Variants in TRIM37 observed in about 807,000 individuals in gnomAD.
TRIM37 encodes tripartite motif containing 37, also known as E3 ubiquitin-protein ligase TRIM37.
A neutral mutation model predicts 129.8 loss-of-function variants in TRIM37; 80 were observed. The observed-to-expected ratio is 0.62, with a 90% CI of 0.51 to 0.74. The LOEUF is 0.74. Ranked by LOEUF, TRIM37 falls within the 30% of genes least tolerant of loss-of-function variation. The pLI is 0.00. For synonymous variants in TRIM37, 389 were observed against 387.1 expected (o/e 1.00, Z -0.06); for missense variants, 1,054 against 1,176.5 (o/e 0.90, Z 1.52).
chr17:58,989,682 C>G (rs1327418718), intron 24 of TRIM37, among the ~76,000 whole-genome samples: 1 of 151,870 alleles, frequency 6.6e-6, no homozygotes. Flanking sequence ...TTAACTGAAA[C>G]ACAACAGAAA....
rs312262702 is a variant in TRIM37, at chr17:59,028,673, G to A, written c.1999C>T (p.Arg667Ter). The A allele has an allele frequency of 7.4e-6, 12 of 1,614,060 alleles. No individual in the cohort carries two copies. The highest frequency in any genetic ancestry group is 2.7e-5 in the African/African-American group (2 of 74,912). The change falls in exon 19 of 24, where the codon CGA becomes TGA. Residue 667 changes from arginine (R) to a stop codon, truncating the protein, a stop_gained. Transcript: ENST00000262294. LOFTEE classifies it high-confidence loss of function. The stretch of plus-strand genomic sequence containing the variant: ...AGCATCTTTAAATCAGAGGGCACTC[G>A]CCACATTGCCTGTTGCTTCCTTTGG... ...KDQRKQQAMW[R>*]VPSDLKMLKR...
In TRIM37 at chr17:59,061,076, T is replaced by C. The variant is rs2041448880; in HGVS notation, c.975A>G (p.Leu325=). 4 of 1,613,532 alleles carry C rather than the reference T, an allele frequency of 2.5e-6. No individual in the cohort carries two copies. In the East Asian group the frequency reaches 8.9e-5, roughly 36 times the overall value. Residue 325 remains leucine, a synonymous_variant, in exon 12 of 24, where the codon TTA becomes TTG. Transcript: ENST00000262294. ...CAGCTGAGAGCTCCAGAAACACAGA[T>C]AAGTAGTAACCTCGCACAACTCCAT... is the stretch of plus-strand genomic sequence containing the variant. ...DGNGVVRGYY[L]SVFLELSAGL... is the part of the protein sequence containing the mutation.
chr17:59,018,299 G>T (rs1411427918), intron 19 of TRIM37, among the ~76,000 whole-genome samples: 1 of 152,012 alleles, frequency 6.6e-6, no homozygotes, highest in Non-Finnish European at 1.5e-5. Flanking sequence ...CTGCAGAACT[G>T]TGAGTTAAAT....
intron 3 of TRIM37, among the ~76,000 whole-genome samples, chr17:59,088,806 T>C (rs148104745): frequency 2.0e-5 from 3 of 151,306 alleles, no homozygotes; most frequent in Admixed American, 6.6e-5. Context: ...CCTGGCCCCA[T>C]AATACTATTA....
chr17:59,017,242 C>G, intron 20 of TRIM37, 54 bp downstream of exon 20: 1 of 1,587,604 alleles, frequency 6.3e-7, no homozygotes, highest in Non-Finnish European at 8.6e-7. Context: ...ACATCAATTT[C>G]AGGTAATAAA....
At chr17:58,993,095 G>A (rs1383995006) in intron 24 of TRIM37, among the ~76,000 whole-genome samples, 4 of 152,134 alleles carry the variant, frequency 2.6e-5, no homozygotes, top group African/African-American at 7.2e-5. Context: ...TTGTAATACT[G>A]AATAAGCCTC....
chr17:59,084,770 A>G (rs2043605221), intron 4 of TRIM37, among the ~76,000 whole-genome samples: 1 of 152,122 alleles, frequency 6.6e-6, no homozygotes, highest in Non-Finnish European at 1.5e-5. Context: ...GGTGTCCTCT[A>G]TAAAGAGGAG....
At chr17:59,042,428 ATT>A (rs146574406) in intron 16 of TRIM37, among the ~76,000 whole-genome samples, 2 of 85,240 alleles carry the variant, frequency 2.3e-5, no homozygotes, top group African/African-American at 1.3e-4. Flanking sequence ...AAAAAAAGGA[ATT>A]TAAAAAAAAA....
chr17:59,076,500 CCTTGAT>C (rs2042826151), intron 7 of TRIM37, among the ~76,000 whole-genome samples: 1 of 152,184 alleles, frequency 6.6e-6, no homozygotes, highest in African/African-American at 2.4e-5. Flanking sequence ...ATGCAATGAG[CCTTGAT>C]TGCACCACTG....
rs759908862 is a variant in TRIM37, at chr17:59,028,731, G to T, written c.1949-8C>A. On this transcript the variant is annotated splice_region_variant and splice_polypyrimidine_tract_variant and intron_variant, in intron 18 of 23. Coordinates refer to ENST00000262294, the MANE Select transcript of TRIM37 (RefSeq NM_015294.6). The stretch of plus-strand genomic sequence containing the variant: ...CTTTTCGAGAATATGATGCTTCAGA[G>T]AAATTGACAAGTCATGTTAACATAA... 2.5e-6 allele frequency: 4 copies of T among 1,614,004 alleles called. No homozygotes were observed. Among genetic ancestry groups the T allele is most frequent in the Non-Finnish European group, 3.4e-6 (4 of 1,179,926 alleles).
At position 59,075,757 on chromosome 17, in the gene TRIM37, GGT is replaced by G. The variant is rs1345200744; in HGVS notation, c.617-45_617-44del. Reference sequence around the variant, plus strand: ...ATCATCAACACTTGGGTTCATTATTGGTTTAAGAATGAAATTAACTTCCAATG... The same window carrying G: ...ATCATCAACACTTGGGTTCATTATTGTTAAGAATGAAATTAACTTCCAATG... On this transcript the variant is annotated intron_variant, in intron 7 of 23. Coordinates refer to ENST00000262294, the MANE Select transcript of TRIM37 (RefSeq NM_015294.6). 4 of 1,404,812 alleles carry G rather than the reference GGT, an allele frequency of 2.8e-6. No homozygotes were observed. In the African/African-American group the frequency reaches 5.7e-5, roughly 20 times the overall value. 87.0% of individuals were successfully genotyped at this position (1,404,812 alleles called of 1,614,324 possible). A position where few individuals can be genotyped will look rare whatever the true frequency, so the allele number is the denominator to read the frequency against.
chr17:59,086,017 G>A (rs1198678565), intron 4 of TRIM37, among the ~76,000 whole-genome samples: 2 of 152,122 alleles, frequency 1.3e-5, no homozygotes, highest in African/African-American at 4.8e-5. Flanking sequence ...AATGGTGGCT[G>A]CCAGGGGCTG....
intron 1 of TRIM37, 80 bp downstream of exon 1, chr17:59,106,361 G>T: frequency 6.4e-7 from 1 of 1,566,980 alleles, no homozygotes; most frequent in Non-Finnish European, 8.8e-7. Context: ...CTGGAGGGAG[G>T]ACATGGGCAC....
At chr17:59,071,754 T>C (rs981556071) in intron 8 of TRIM37, among the ~76,000 whole-genome samples, 10 of 152,130 alleles carry the variant, frequency 6.6e-5, no homozygotes, top group African/African-American at 2.2e-4. Context: ...AACATAACCA[T>C]GGTAGATAAA....
Position 58,999,010 on chromosome 17 carries a change from A to C in TRIM37, c.*367T>G. The C allele has an allele frequency of 8.9e-7, 1 of 1,123,366 alleles. No individual in the cohort carries two copies. The highest frequency in any genetic ancestry group is 2.2e-5 in the South Asian group (1 of 46,026). 69.6% of individuals were successfully genotyped at this position (1,123,366 alleles called of 1,614,324 possible). A position where few individuals can be genotyped will look rare whatever the true frequency, so the allele number is the denominator to read the frequency against. On this transcript the variant is annotated 3_prime_UTR_variant, in exon 24 of 24. Transcript: ENST00000262294. ...AAGCTCTAGCCAAAGACAGTAGAGC[A>C]CCAATGCCGGGCGGGTTACTGACGG...
At chr17:58,983,081 A>G in intron 24 of TRIM37, 2 of 615,010 alleles carry the variant, frequency 3.3e-6, no homozygotes, top group South Asian at 2.3e-5. Flanking sequence ...GTTACTACAC[A>G]TGCTAGGCTT....
chr17:59,077,840 G>A (rs1038492136), intron 7 of TRIM37, among the ~76,000 whole-genome samples: 1 of 147,098 alleles, frequency 6.8e-6, no homozygotes, highest in Non-Finnish European at 1.5e-5. Context: ...ATTAGTGGCA[G>A]AGGTCAGGTG....
Position 59,017,392 on chromosome 17 carries a change from C to A in TRIM37, c.2290G>T (p.Ala764Ser). 6.2e-7 allele frequency: 1 copy of A among 1,614,098 alleles called. No homozygotes were observed. The highest frequency in any genetic ancestry group is 8.5e-7 in the Non-Finnish European group (1 of 1,179,990). Residue 764 changes from alanine (A) to serine (S), a missense_variant, in exon 20 of 24, where the codon GCT (alanine) becomes TCT (serine). Physicochemically the swap from Ala to Ser is moderately conservative, Grantham distance 99. This residue lies in a region of TRIM37 where 287 missense variants were observed against 274.3 expected (regional missense o/e 1.05). Transcript: ENST00000262294. ...TNKKSNSPKP[A>S]RSSVAGSLSL... Reference sequence around the variant, plus strand: ...AGACTACCTGCTACACTGGATCGAGCTGGCTTGGGCGAATTACTCTTCTTA... The same window carrying A: ...AGACTACCTGCTACACTGGATCGAGATGGCTTGGGCGAATTACTCTTCTTA...
At chr17:59,011,912 T>C (rs1233426736) in intron 22 of TRIM37, among the ~76,000 whole-genome samples, 2 of 152,226 alleles carry the variant, frequency 1.3e-5, no homozygotes, top group African/African-American at 2.4e-5. Context: ...TGTGAACATA[T>C]CTAATTCAAC....
Sources: gnomAD v4.1 joint callset for allele counts (sites outside exome capture counted in the v4.1 genomes callset) on GRCh38, gnomAD v4.1.1 for gene constraint, gnomAD v4.1.1 regional missense constraint, MANE v1.5 for transcripts, NCBI Gene and HGNC (gene_info 2026-07-23, HGNC 2026-07-21) for gene names.